The following ZCCHC7 variants were observed in gnomAD, a reference collection of about 807,000 sequenced individuals.
ZCCHC7 encodes the protein zinc finger CCHC domain-containing protein 7.
A neutral mutation model predicts 52.0 loss-of-function variants in ZCCHC7; 35 were observed. The ratio of observed to expected loss-of-function variants is 0.67; its 90% CI spans 0.51 to 0.89. The LOEUF is 0.89. ZCCHC7 is among the 40% of genes least tolerant of loss of function. The pLI, the probability that ZCCHC7 is intolerant of heterozygous loss-of-function variation, is 0.00. For synonymous variants in ZCCHC7, 217 were observed against 221.5 expected (o/e 0.98, Z 0.18); for missense variants, 574 against 649.1 (o/e 0.88, Z 1.26).
intron 2 of ZCCHC7, among the ~76,000 whole-genome samples, chr9:37,188,464 TCTCTC>T (rs1240690608): frequency 7.8e-4 from 115 of 148,032 alleles, no homozygotes; most frequent in African/African-American, 2.7e-3. Flanking sequence ...CTGAGGTTGG[TCTCTC>T]CTCTCATCTT....
intron 1 of ZCCHC7, among the ~76,000 whole-genome samples, chr9:37,123,921 A>G (rs745441897): frequency 6.6e-6 from 1 of 152,234 alleles, no homozygotes; most frequent in Non-Finnish European, 1.5e-5. Flanking sequence ...GGACAGTGCA[A>G]CAAGGGCACA....
intron 2 of ZCCHC7, among the ~76,000 whole-genome samples, chr9:37,180,728 T>C (rs1207746983): frequency 6.6e-6 from 1 of 152,196 alleles, no homozygotes; most frequent in Non-Finnish European, 1.5e-5. Context: ...ACATTGTGTA[T>C]GATTTGAGTT....
intron 2 of ZCCHC7, among the ~76,000 whole-genome samples, chr9:37,281,709 G>A (rs1318676222): frequency 1.6e-4 from 24 of 152,102 alleles, no homozygotes; most frequent in Non-Finnish European, 8.8e-5. Flanking sequence ...AGTTGCTAAG[G>A]GAAGGAAATG....
chr9:37,297,013 A>G (rs2133668395), intron 2 of ZCCHC7, among the ~76,000 whole-genome samples: 1 of 152,116 alleles, frequency 6.6e-6, no homozygotes, highest in South Asian at 2.1e-4. Flanking sequence ...TTGGAATTGC[A>G]GGAGTCAGCC....
chr9:37,250,823 G>T (rs902239356), intron 2 of ZCCHC7, among the ~76,000 whole-genome samples: 1 of 152,106 alleles, frequency 6.6e-6, no homozygotes, highest in Non-Finnish European at 1.5e-5. Context: ...TTATTAGCTG[G>T]CCTGATATCA....
At chr9:37,257,343 A>C (rs1489324724) in intron 2 of ZCCHC7, among the ~76,000 whole-genome samples, 1 of 152,230 alleles carries the variant, frequency 6.6e-6, no homozygotes, top group South Asian at 2.1e-4. Flanking sequence ...GGTTTCTTGC[A>C]TCTGCTCCTT....
At chr9:37,335,406 A>T (rs1272765507) in intron 6 of ZCCHC7, among the ~76,000 whole-genome samples, 1 of 152,170 alleles carries the variant, frequency 6.6e-6, no homozygotes, top group Admixed American at 6.6e-5. Context: ...TTCGTCATAT[A>T]CTAAATGTGC....
chr9:37,132,475 CCT>C (rs774457356), intron 2 of ZCCHC7, among the ~76,000 whole-genome samples: 15 of 151,934 alleles, frequency 9.9e-5, no homozygotes, highest in South Asian at 8.3e-4. Context: ...ACTCTGTGCC[CCT>C]CTGTTATTTT....
At chr9:37,154,647 G>T (rs1017868953) in intron 2 of ZCCHC7, among the ~76,000 whole-genome samples, 1 of 147,966 alleles carries the variant, frequency 6.8e-6, no homozygotes, top group East Asian at 2.0e-4. Context: ...ATGCCTGGGT[G>T]ATTTTTCTGT....
intron 2 of ZCCHC7, among the ~76,000 whole-genome samples, chr9:37,142,029 C>G (rs1843250375): frequency 1.3e-5 from 2 of 151,872 alleles, no homozygotes; most frequent in African/African-American, 4.8e-5. Context: ...TTTAAAATAT[C>G]AAATTATTGT....
chr9:37,168,120 A>G (rs187351660), intron 2 of ZCCHC7, among the ~76,000 whole-genome samples: 155 of 152,228 alleles, frequency 1.0e-3, no homozygotes, highest in African/African-American at 3.6e-3. Flanking sequence ...TCAAGAGTCT[A>G]CCTGGGTTCT....
In ZCCHC7 at chr9:37,252,090, A is replaced by G. The variant is rs1826358549; in HGVS notation, c.611-50098A>G. 7.9e-5 allele frequency among the ~76,000 whole-genome samples: 12 copies of G among 152,280 alleles called. No homozygotes were observed. The South Asian group carries it at 2.3e-3, about 29-fold the overall frequency. ...TCTTATAGGCTTTATGGTTTGGTAT[A>G]AACTATACCAAATTTTTGTGAATAA... On this transcript the variant is annotated intron_variant, in intron 2 of 8. Transcript: ENST00000336755.
At chr9:37,212,399 A>T (rs1044420448) in intron 2 of ZCCHC7, among the ~76,000 whole-genome samples, 3 of 152,190 alleles carry the variant, frequency 2.0e-5, no homozygotes, top group African/African-American at 7.2e-5. Flanking sequence ...TCCTTTAAAA[A>T]AATTTTTGGA....
intron 2 of ZCCHC7, among the ~76,000 whole-genome samples, chr9:37,150,411 T>G (rs1820453149): frequency 6.6e-6 from 1 of 152,246 alleles, no homozygotes; most frequent in African/African-American, 2.4e-5. Context: ...ATCTGAAATT[T>G]CATTTAAATA....
At chr9:37,201,243 A>G (rs574979372) in intron 2 of ZCCHC7, among the ~76,000 whole-genome samples, 51 of 152,334 alleles carry the variant, frequency 3.3e-4, no homozygotes, top group African/African-American at 1.1e-3. Flanking sequence ...TTTTAATGCC[A>G]TATTATTTTT....
intron 1 of ZCCHC7, among the ~76,000 whole-genome samples, chr9:37,125,885 A>G (rs1020908200): frequency 6.6e-6 from 1 of 152,194 alleles, no homozygotes; most frequent in Admixed American, 6.5e-5. Context: ...CCCAAATACC[A>G]TTGTGTTACA....
chr9:37,308,006 A>G (rs1483358984), intron 5 of ZCCHC7, among the ~76,000 whole-genome samples: 1 of 152,180 alleles, frequency 6.6e-6, no homozygotes, highest in African/African-American at 2.4e-5. Context: ...GTTAAGAGAA[A>G]TGAGCACTGC....
chr9:37,166,582 A>G (rs975823293), intron 2 of ZCCHC7, among the ~76,000 whole-genome samples: 1 of 151,812 alleles, frequency 6.6e-6, no homozygotes, highest in Non-Finnish European at 1.5e-5. Flanking sequence ...CTTTTTAAAA[A>G]TTACATTCTT....
At chr9:37,321,355 C>G (rs768541435) in intron 5 of ZCCHC7, among the ~76,000 whole-genome samples, 1 of 151,980 alleles carries the variant, frequency 6.6e-6, no homozygotes, top group Non-Finnish European at 1.5e-5. Context: ...TCTCAAACTC[C>G]TGGCCTGAAG....
Sources: allele counts gnomAD v4.1 joint callset (sites outside exome capture counted in the v4.1 genomes callset), GRCh38; gene constraint gnomAD v4.1.1; transcripts MANE v1.5; gene names NCBI Gene and HGNC (gene_info 2026-07-23, HGNC 2026-07-21).